The following ME3 variants were observed in gnomAD, a reference collection of about 807,000 sequenced individuals.
ME3 encodes NADP-dependent malic enzyme, mitochondrial.
Under a neutral mutation model 68.9 loss-of-function variants are expected in ME3, and 48 were observed. The ratio of observed to expected loss-of-function variants is 0.70; its 90% CI spans 0.55 to 0.89. The LOEUF (loss-of-function observed/expected upper bound fraction) is 0.89. Ranked by LOEUF, ME3 falls within the 40% of genes least tolerant of loss-of-function variation. The probability of loss-of-function intolerance (pLI) is 0.00; values close to 1 mark genes in which losing one functional copy is unlikely to be tolerated. For synonymous variants in ME3, 320 were observed against 318.8 expected (o/e 1.00, Z -0.04); for missense variants, 675 against 797.4 (o/e 0.85, Z 1.85).
intron 8 of ME3, among the ~76,000 whole-genome samples, chr11:86,453,700 A>C (rs899674858): frequency 3.3e-5 from 5 of 152,246 alleles, no homozygotes; most frequent in Admixed American, 3.3e-4. Context: ...CCAAAATTTA[A>C]CTGAGTGTCC....
intron 2 of ME3, among the ~76,000 whole-genome samples, chr11:86,568,030 C>T (rs1023358790): frequency 2.8e-5 from 4 of 142,452 alleles, no homozygotes; most frequent in African/African-American, 2.5e-5. Flanking sequence ...TTCATTCTTA[C>T]CACATTGAGA....
chr11:86,478,324 CAAAAAAAAAAA>C (rs57349808), intron 7 of ME3, among the ~76,000 whole-genome samples: 1 of 62,914 alleles, frequency 1.6e-5, no homozygotes, highest in African/African-American at 5.9e-5. Flanking sequence ...GCCTAAGGAC[CAAAAAAAAAAA>C]AAAAAAAAAA....
chr11:86,645,613 G>C (rs997889650), intron 2 of ME3, among the ~76,000 whole-genome samples: 2 of 152,332 alleles, frequency 1.3e-5, no homozygotes, highest in South Asian at 4.2e-4. Context: ...AAGGGTGGCT[G>C]TGGGTGCAGC....
intron 4 of ME3, among the ~76,000 whole-genome samples, chr11:86,552,766 G>A (rs1193220808): frequency 2.0e-5 from 3 of 152,146 alleles, no homozygotes; most frequent in African/African-American, 7.2e-5. Context: ...TCTTTAACAA[G>A]TGTCATAATG....
At chr11:86,603,672 A>G (rs1254211947) in intron 2 of ME3, among the ~76,000 whole-genome samples, 3 of 152,116 alleles carry the variant, frequency 2.0e-5, no homozygotes, top group Admixed American at 6.5e-5. Flanking sequence ...ACTATTCACA[A>G]TAGCAAAGAC....
intron 13 of ME3, among the ~76,000 whole-genome samples, chr11:86,445,984 A>G (rs188755954): frequency 1.9e-4 from 29 of 152,096 alleles, no homozygotes; most frequent in African/African-American, 7.0e-4. Flanking sequence ...CCTCAGTTTC[A>G]GGTGGCTTTG....
intron 2 of ME3, among the ~76,000 whole-genome samples, chr11:86,615,663 T>G (rs1341939759): frequency 1.3e-5 from 2 of 152,090 alleles, no homozygotes; most frequent in Admixed American, 1.3e-4. Context: ...CATGGGGGTG[T>G]TGGTGGTGGT....
At chr11:86,528,988 G>A (rs536331039) in intron 4 of ME3, among the ~76,000 whole-genome samples, 69 of 152,032 alleles carry the variant, frequency 4.5e-4, no homozygotes, top group African/African-American at 1.5e-3. Flanking sequence ...CTAGCAGAAG[G>A]CAAGAAATAA....
At chr11:86,533,212 A>T (rs1168931173) in intron 4 of ME3, among the ~76,000 whole-genome samples, 1 of 152,160 alleles carries the variant, frequency 6.6e-6, no homozygotes, top group Non-Finnish European at 1.5e-5. Context: ...CAACAAAACT[A>T]AGAGTTGGGT....
chr11:86,605,354 G>A (rs375778762), intron 2 of ME3, among the ~76,000 whole-genome samples: 1 of 152,208 alleles, frequency 6.6e-6, no homozygotes, highest in South Asian at 2.1e-4. Flanking sequence ...TTAGAAGGCT[G>A]GATGTGCTTC....
At chr11:86,544,677 A>T (rs1195836952) in intron 4 of ME3, among the ~76,000 whole-genome samples, 1 of 152,174 alleles carries the variant, frequency 6.6e-6, no homozygotes, top group Non-Finnish European at 1.5e-5. Context: ...TAGCCTACCA[A>T]CCAAAAACAG....
chr11:86,594,337 A>G (rs1959181805), intron 2 of ME3, among the ~76,000 whole-genome samples: 1 of 146,166 alleles, frequency 6.8e-6, no homozygotes, highest in South Asian at 2.3e-4. Context: ...CTCTACCTCC[A>G]TATATTCACC....
intron 2 of ME3, among the ~76,000 whole-genome samples, chr11:86,643,509 C>G (rs1306792404): frequency 6.6e-6 from 1 of 152,148 alleles, no homozygotes; most frequent in African/African-American, 2.4e-5. Flanking sequence ...AAAAAGTAAT[C>G]ACCCTTGGAA....
chr11:86,606,179 A>G (rs1286419046), intron 2 of ME3, among the ~76,000 whole-genome samples: 3 of 152,276 alleles, frequency 2.0e-5, no homozygotes, highest in Non-Finnish European at 4.4e-5. Context: ...GATCTCTACT[A>G]TATAATGGGA....
At chr11:86,668,429 C>T (rs1472325872) in intron 2 of ME3, among the ~76,000 whole-genome samples, 2 of 152,082 alleles carry the variant, frequency 1.3e-5, no homozygotes, top group Non-Finnish European at 2.9e-5. Flanking sequence ...CTGGTAGATC[C>T]ACTAAGCTAA....
chr11:86,578,344 C>A (rs1020497742), intron 2 of ME3, among the ~76,000 whole-genome samples: 1 of 152,134 alleles, frequency 6.6e-6, no homozygotes, highest in Admixed American at 6.5e-5. Context: ...TCCAGCAACA[C>A]AACAGCACTT....
At chr11:86,493,982 C>G (rs908601547) in intron 6 of ME3, among the ~76,000 whole-genome samples, 3 of 151,888 alleles carry the variant, frequency 2.0e-5, no homozygotes, top group African/African-American at 7.3e-5. Context: ...TCTGTTACAT[C>G]TCAGGCTTGC....
At chr11:86,521,703 T>C (rs561623993) in intron 4 of ME3, among the ~76,000 whole-genome samples, 29 of 152,294 alleles carry the variant, frequency 1.9e-4, no homozygotes, top group Non-Finnish European at 3.7e-4. Context: ...TTAACACAAT[T>C]ATTTATTTTT....
intron 2 of ME3, among the ~76,000 whole-genome samples, chr11:86,612,137 C>T (rs1198852536): frequency 6.6e-6 from 1 of 152,124 alleles, no homozygotes; most frequent in African/African-American, 2.4e-5. Context: ...TTTTCAACTC[C>T]CACTTATGAG....
Sources: allele counts gnomAD v4.1 joint callset (sites outside exome capture counted in the v4.1 genomes callset), GRCh38; gene constraint gnomAD v4.1.1; transcripts MANE v1.5; gene names NCBI Gene and HGNC (gene_info 2026-07-23, HGNC 2026-07-21).